The following GHR variants were observed in gnomAD, a reference collection of about 807,000 sequenced individuals.
GHR encodes GH receptor.
In GHR, 35 loss-of-function variants were observed where a neutral mutation model predicts 67.1. The observed-to-expected ratio is 0.52, with a 90% confidence interval of 0.40 to 0.69. The LOEUF is 0.69. Among genes scored for constraint, GHR ranks in the 30% least tolerant of loss-of-function variants. GHR has a pLI of 0.00. For missense variants in GHR, 792 were observed against 764.6 expected (o/e 1.04, Z -0.42); for synonymous variants, 272 against 269.1 (o/e 1.01, Z -0.10).
At chr5:42,676,299 A>T (rs1185921793) in intron 3 of GHR, among the ~76,000 whole-genome samples, 1 of 152,100 alleles carries the variant, frequency 6.6e-6, no homozygotes, top group Non-Finnish European at 1.5e-5. Flanking sequence ...AAAAGGAAGA[A>T]ATTAATAGTT....
In GHR at chr5:42,718,741, G is replaced by T. The variant is rs937887658; in HGVS notation, c.1234G>T (p.Ala412Ser). Reference protein sequence around the residue: ...NDIHEGTSEVAQPQRLKGEAD... With the variant: ...NDIHEGTSEVSQPQRLKGEAD... ...CATACATGAGGGTACCTCAGAGGTTGCTCAGCCACAGAGGTTAAAAGGGGA... is the reference window on the plus strand; with the variant it reads ...CATACATGAGGGTACCTCAGAGGTTTCTCAGCCACAGAGGTTAAAAGGGGA... Residue 412 changes from alanine to serine, a missense_variant, in exon 10 of 10, where the codon GCT becomes TCT. By Grantham distance (99) the Ala-to-Ser change is moderately conservative. Transcript: ENST00000230882. The T allele has an allele frequency of 5.6e-6, 9 of 1,614,000 alleles. No homozygotes were observed. The highest frequency in any genetic ancestry group is 5.3e-5 in the African/African-American group (4 of 74,904).
intron 1 of GHR, among the ~76,000 whole-genome samples, chr5:42,523,890 G>T (rs921001408): frequency 3.3e-5 from 5 of 152,050 alleles, no homozygotes; most frequent in Non-Finnish European, 7.4e-5. Context: ...TTTATCAGGG[G>T]TTTCCACTTT....
chr5:42,572,175 A>C (rs1452591555), intron 2 of GHR, among the ~76,000 whole-genome samples: 1 of 152,176 alleles, frequency 6.6e-6, no homozygotes, highest in Non-Finnish European at 1.5e-5. Flanking sequence ...CTTACACTGT[A>C]TATGATATAG....
chr5:42,542,367 A>G (rs2112383107), intron 1 of GHR, among the ~76,000 whole-genome samples: 1 of 152,330 alleles, frequency 6.6e-6, no homozygotes, highest in East Asian at 1.9e-4. Context: ...AAGCTATTCC[A>G]TTGATGTAGT....
At chr5:42,461,258 C>T (rs1398978317) in intron 1 of GHR, among the ~76,000 whole-genome samples, 1 of 152,204 alleles carries the variant, frequency 6.6e-6, no homozygotes, top group Non-Finnish European at 1.5e-5. Flanking sequence ...CTGTTTACCA[C>T]AGTGGACCTT....
At chr5:42,654,898 CA>C (rs1370930749) in intron 3 of GHR, among the ~76,000 whole-genome samples, 1 of 152,114 alleles carries the variant, frequency 6.6e-6, no homozygotes, top group African/African-American at 2.4e-5. Context: ...AGCCACTTGG[CA>C]AGGCTCTATA....
intron 1 of GHR, among the ~76,000 whole-genome samples, chr5:42,436,971 G>C (rs1743353659): frequency 6.6e-6 from 1 of 152,148 alleles, no homozygotes; most frequent in South Asian, 2.1e-4. Flanking sequence ...ATTCAGAAAA[G>C]AATGGGCTTT....
chr5:42,478,850 T>A (rs772487785), intron 1 of GHR, among the ~76,000 whole-genome samples: 13 of 152,236 alleles, frequency 8.5e-5, no homozygotes, highest in Non-Finnish European at 1.8e-4. Context: ...TTTGACTTCC[T>A]CTTTTCCTAA....
intron 2 of GHR, among the ~76,000 whole-genome samples, chr5:42,623,666 T>G (rs1753566420): frequency 1.3e-5 from 2 of 152,200 alleles, no homozygotes; most frequent in African/African-American, 4.8e-5. Flanking sequence ...CCATTGTTCC[T>G]CCAATGCTTG....
At chr5:42,671,287 G>A (rs1756281164) in intron 3 of GHR, among the ~76,000 whole-genome samples, 1 of 152,010 alleles carries the variant, frequency 6.6e-6, no homozygotes, top group African/African-American at 2.4e-5. Context: ...CACAGGGGAA[G>A]CAGGAGTAAG....
At chr5:42,487,319 T>C (rs1485689706) in intron 1 of GHR, among the ~76,000 whole-genome samples, 1 of 152,256 alleles carries the variant, frequency 6.6e-6, no homozygotes, top group Non-Finnish European at 1.5e-5. Flanking sequence ...CTTGTATTCT[T>C]AATAGTATTT....
At position 42,695,155 on chromosome 5, in the gene GHR, G is replaced by T. The variant is rs570760164; in HGVS notation, c.439+66G>T. Reference sequence around the variant, plus strand: ...CTAAATAAATGGGGAAGCCTGCAAGGTCCAAGTATAATCAAGTAGGAAGAC... The same window carrying T: ...CTAAATAAATGGGGAAGCCTGCAAGTTCCAAGTATAATCAAGTAGGAAGAC... On this transcript the variant is annotated intron_variant, in intron 5 of 9. Coordinates refer to ENST00000230882, the MANE Select transcript of GHR (RefSeq NM_000163.5). 8 of 1,089,102 alleles carry T rather than the reference G, an allele frequency of 7.3e-6. No homozygotes were observed. In the East Asian group the frequency reaches 1.9e-4, roughly 26 times the overall value. The allele number at this position is 1,089,102 out of a possible 1,614,324, so 67.5% of individuals were successfully genotyped here. A position where few individuals can be genotyped will look rare whatever the true frequency, so the allele number is the denominator to read the frequency against.
chr5:42,439,702 T>A (rs1269496425), intron 1 of GHR, among the ~76,000 whole-genome samples: 3 of 152,322 alleles, frequency 2.0e-5, no homozygotes, highest in African/African-American at 7.2e-5. Context: ...CTTGTTGACT[T>A]GTCTTTTAAA....
chr5:42,432,853 A>G (rs1379384292), intron 1 of GHR, among the ~76,000 whole-genome samples: 3 of 152,272 alleles, frequency 2.0e-5, no homozygotes, highest in African/African-American at 7.2e-5. Context: ...TGGTGAAGCC[A>G]TGCTTTTCTT....
rs186058219 is a variant in GHR at position 42,683,717 on chromosome 5, G to C, written c.137-5173G>C. Among the ~76,000 whole-genome samples, 115 of 152,198 alleles carry C rather than the reference G, an allele frequency of 7.6e-4. No homozygotes were observed. The Middle Eastern group carries it at 0.01, about 14-fold the overall frequency. ...GGAAGGTGGAAGGGAAGAAAGGAAG[G>C]GAAAGAAAGACATTTAAAAAGACAA... On this transcript the variant is annotated intron_variant, in intron 3 of 9. Coordinates refer to ENST00000230882, the MANE Select transcript of GHR (RefSeq NM_000163.5).
intron 1 of GHR, among the ~76,000 whole-genome samples, chr5:42,552,307 C>G (rs990871354): frequency 6.6e-6 from 1 of 152,142 alleles, no homozygotes; most frequent in Admixed American, 6.5e-5. Context: ...ATTTTTTCCT[C>G]CATAAATACA....
At chr5:42,593,130 A>T (rs931695279) in intron 2 of GHR, among the ~76,000 whole-genome samples, 1 of 152,196 alleles carries the variant, frequency 6.6e-6, no homozygotes, top group Non-Finnish European at 1.5e-5. Context: ...TCGATTTTTT[A>T]AAAAACCTTA....
intron 1 of GHR, among the ~76,000 whole-genome samples, chr5:42,527,365 A>G (rs933999402): frequency 1.3e-5 from 2 of 152,204 alleles, no homozygotes; most frequent in Non-Finnish European, 2.9e-5. Flanking sequence ...GGGGTGGAGG[A>G]AAATCTACCA....
At chr5:42,709,258 T>G (rs1454765897) in intron 6 of GHR, among the ~76,000 whole-genome samples, 1 of 152,166 alleles carries the variant, frequency 6.6e-6, no homozygotes, top group Non-Finnish European at 1.5e-5. Flanking sequence ...CTCAGACTCC[T>G]GAGTAGCTAG....
Sources: gnomAD v4.1 joint callset for allele counts (sites outside exome capture counted in the v4.1 genomes callset) on GRCh38, gnomAD v4.1.1 for gene constraint, MANE v1.5 for transcripts, NCBI Gene and HGNC (gene_info 2026-07-23, HGNC 2026-07-21) for gene names.